CHMP3: variants seen among roughly 807,000 people sequenced by gnomAD.
The protein encoded by CHMP3 is charged multivesicular body protein 3.
CHMP3 carries 8 observed loss-of-function variants against 27.4 expected under a neutral mutation model. The ratio of observed to expected loss-of-function variants is 0.29; its 90% CI spans 0.17 to 0.53. The LOEUF is 0.53. Ranked by LOEUF, CHMP3 falls within the 20% of genes least tolerant of loss-of-function variation. The pLI, the probability that CHMP3 is intolerant of heterozygous loss-of-function variation, is 0.96. For synonymous variants in CHMP3, 86 were observed against 85.5 expected (o/e 1.01, Z -0.03); for missense variants, 208 against 271.5 (o/e 0.77, Z 1.64).
At chr2:86,528,721 TA>T (rs1200500660) in intron 3 of CHMP3, among the ~76,000 whole-genome samples, 1 of 152,188 alleles carries the variant, frequency 6.6e-6, no homozygotes, top group African/African-American at 2.4e-5. Context: ...AAAAGTCATC[TA>T]AAATGGAGAG....
chr2:86,560,944 G>A (rs547599860), intron 1 of CHMP3, among the ~76,000 whole-genome samples: 1 of 152,248 alleles, frequency 6.6e-6, no homozygotes, highest in Middle Eastern at 3.4e-3. Context: ...AAAGGTGATA[G>A]TGCTAAACCA....
chr2:86,514,433 T>A (rs1228941811), intron 3 of CHMP3, among the ~76,000 whole-genome samples: 2 of 152,220 alleles, frequency 1.3e-5, no homozygotes, highest in Admixed American at 6.5e-5. Flanking sequence ...TCTAATGAGC[T>A]CACGTGCTAT....
chr2:86,514,502 T>G (rs1350286897), intron 3 of CHMP3, among the ~76,000 whole-genome samples: 1 of 152,164 alleles, frequency 6.6e-6, no homozygotes, highest in Admixed American at 6.5e-5. Flanking sequence ...CACAGTGGAT[T>G]CACATTCAAT....
chr2:86,542,028 G>C (rs894970995), intron 2 of CHMP3, among the ~76,000 whole-genome samples: 1 of 151,990 alleles, frequency 6.6e-6, no homozygotes, highest in Non-Finnish European at 1.5e-5. Context: ...TTTATAAGTA[G>C]CAAGAGGTTT....
intron 2 of CHMP3, among the ~76,000 whole-genome samples, chr2:86,535,049 G>T (rs1676072468): frequency 1.3e-5 from 2 of 152,084 alleles, no homozygotes; most frequent in African/African-American, 4.8e-5. Context: ...TTGAGTCCAG[G>T]AGTTCCAGAC....
Position 86,510,341 on chromosome 2 carries a change from G to T in CHMP3, c.408+17C>A. 6.2e-7 allele frequency: 1 copy of T among 1,613,626 alleles called. No homozygotes were observed. Among genetic ancestry groups the T allele is most frequent in the Non-Finnish European group, 8.5e-7 (1 of 1,179,760 alleles). ...CTCTGGGGTTTGGAAAGGAAAGCAG[G>T]GCTAGCCCCAAGTCACCTTCATCAT... is the stretch of plus-strand genomic sequence containing the variant. On this transcript the variant is annotated intron_variant, in intron 4 of 5. Coordinates refer to ENST00000263856, the MANE Select transcript of CHMP3 (RefSeq NM_016079.4).
At chr2:86,555,866 C>A (rs1677101935) in intron 1 of CHMP3, among the ~76,000 whole-genome samples, 1 of 152,188 alleles carries the variant, frequency 6.6e-6, no homozygotes, top group Admixed American at 6.5e-5. Context: ...TTATTCATAC[C>A]TGCAAGGACT....
At chr2:86,534,788 A>G (rs920990842) in intron 2 of CHMP3, among the ~76,000 whole-genome samples, 8 of 152,074 alleles carry the variant, frequency 5.3e-5, no homozygotes, top group Non-Finnish European at 8.8e-5. Context: ...GCTGTCTTTT[A>G]TTTACTATGT....
intron 2 of CHMP3, among the ~76,000 whole-genome samples, chr2:86,536,108 G>C (rs1245499720): frequency 1.4e-5 from 2 of 142,802 alleles, no homozygotes; most frequent in Non-Finnish European, 3.0e-5. Context: ...CCATTCTCCT[G>C]CCTCAGCCTC....
chr2:86,533,787 A>G (rs533067469), intron 2 of CHMP3, among the ~76,000 whole-genome samples: 86 of 152,076 alleles, frequency 5.7e-4, no homozygotes, highest in African/African-American at 2.0e-3. Context: ...TTAAGCCACC[A>G]CACCTGGCCT....
rs547568006 is a variant in CHMP3, at chr2:86,520,894, G to A, written c.286+8324C>T. On this transcript the variant is annotated intron_variant, in intron 3 of 5. Coordinates refer to ENST00000263856, the MANE Select transcript of CHMP3 (RefSeq NM_016079.4). ...CCATCGCATCCCCTGTGACTTGCACGTATACATCCAGATGGCTTGAAGTAA... is the reference window on the plus strand; with the variant it reads ...CCATCGCATCCCCTGTGACTTGCACATATACATCCAGATGGCTTGAAGTAA... Among the ~76,000 whole-genome samples, 21 of 152,268 alleles carry A rather than the reference G, an allele frequency of 1.4e-4. 1 individual carries two copies. In the South Asian group the frequency reaches 2.5e-3, roughly 18 times the overall value.
intron 3 of CHMP3, chr2:86,527,305 C>T (rs1481703605): frequency 6.6e-6 from 1 of 151,454 alleles, no homozygotes; most frequent in Non-Finnish European, 1.5e-5. Context: ...AGACTTATTA[C>T]ATTATCCTCT....
chr2:86,552,392 G>C (rs557596142), intron 1 of CHMP3, among the ~76,000 whole-genome samples: 180 of 152,308 alleles, frequency 1.2e-3, no homozygotes, highest in African/African-American at 4.2e-3. Flanking sequence ...ATAAGGGACA[G>C]ATCTTTATAG....
At chr2:86,526,378 C>T (rs1196524564) in intron 3 of CHMP3, among the ~76,000 whole-genome samples, 1 of 151,946 alleles carries the variant, frequency 6.6e-6, no homozygotes, top group Non-Finnish European at 1.5e-5. Context: ...CTGACAATAC[C>T]AAGTCAAAAA....
chr2:86,515,042 CTT>C (rs1304141465), intron 3 of CHMP3, among the ~76,000 whole-genome samples: 1 of 152,126 alleles, frequency 6.6e-6, no homozygotes, highest in East Asian at 1.9e-4. Flanking sequence ...GGTCACAGCT[CTT>C]TTTGCTGAAA....
rs1675747264 is a variant in CHMP3, at chr2:86,527,196, C to T, written c.286+2022G>A. On this transcript the variant is annotated intron_variant, in intron 3 of 5. Transcript: ENST00000263856. ...AGACTGAGGCAGTGGATCACTTGAG[C>T]TCAGCAGTTCAAGACCATCCTGGGC... 5.3e-5 allele frequency: 8 copies of T among 151,700 alleles called. No homozygotes were observed. In the South Asian group the frequency reaches 1.7e-3, roughly 32 times the overall value. The allele number at this position is 151,700 out of a possible 1,614,324, so 9.4% of individuals were successfully genotyped here. A position where few individuals can be genotyped will look rare whatever the true frequency, so the allele number is the denominator to read the frequency against.
intron 1 of CHMP3, among the ~76,000 whole-genome samples, chr2:86,547,273 T>C (rs772977292): frequency 3.9e-5 from 6 of 152,246 alleles, no homozygotes; most frequent in Non-Finnish European, 7.3e-5. Flanking sequence ...TTGCACGGAA[T>C]ACAAGATGTG....
intron 3 of CHMP3, among the ~76,000 whole-genome samples, chr2:86,519,865 T>C (rs973641191): frequency 8.5e-5 from 13 of 152,220 alleles, no homozygotes; most frequent in African/African-American, 2.9e-4. Context: ...GACACAGATA[T>C]GTATTTATTT....
chr2:86,518,818 T>A (rs1237664107), intron 3 of CHMP3, among the ~76,000 whole-genome samples: 1 of 152,196 alleles, frequency 6.6e-6, no homozygotes, highest in East Asian at 1.9e-4. Context: ...TAAAAGCTAC[T>A]GCAACTGAGA....
Sources: gnomAD v4.1 joint callset for allele counts (sites outside exome capture counted in the v4.1 genomes callset) on GRCh38, gnomAD v4.1.1 for gene constraint, MANE v1.5 for transcripts, NCBI Gene and HGNC (gene_info 2026-07-23, HGNC 2026-07-21) for gene names.